MYO1D: variants seen among roughly 807,000 people sequenced by gnomAD.
MYO1D encodes unconventional myosin-Id.
Under a neutral mutation model 122.0 loss-of-function variants are expected in MYO1D, and 83 were observed. The ratio of observed to expected loss-of-function variants is 0.68; its 90% confidence interval spans 0.57 to 0.82. MYO1D has a LOEUF of 0.82. Ranked by LOEUF, MYO1D falls within the 40% of genes least tolerant of loss-of-function variation. The pLI, the probability that MYO1D is intolerant of heterozygous loss-of-function variation, is 0.00. For synonymous variants in MYO1D, 464 were observed against 446.9 expected, an observed-to-expected ratio of 1.04 and a Z score of -0.48; for missense variants, 1,157 against 1,269.5, an observed-to-expected ratio of 0.91 and a Z score of 1.35.
At chr17:32,869,029 CA>C (rs1462067653) in intron 1 of MYO1D, among the ~76,000 whole-genome samples, 1 of 146,476 alleles carries the variant, frequency 6.8e-6, no homozygotes, top group Non-Finnish European at 1.5e-5. Flanking sequence ...ACCAACATAG[CA>C]AAACCCCATC....
At chr17:32,524,398 C>CT (rs966234052) in intron 21 of MYO1D, among the ~76,000 whole-genome samples, 8 of 151,056 alleles carry the variant, frequency 5.3e-5, no homozygotes, top group East Asian at 3.9e-4. Context: ...ATTACTTTTT[C>CT]TTTTTTTTTC....
At chr17:32,870,404 T>A (rs1033626569) in intron 1 of MYO1D, among the ~76,000 whole-genome samples, 1 of 152,090 alleles carries the variant, frequency 6.6e-6, no homozygotes, top group Non-Finnish European at 1.5e-5. Context: ...TGGGTTTTTT[T>A]CCCTGGCAAG....
intron 20 of MYO1D, among the ~76,000 whole-genome samples, chr17:32,611,262 A>G (rs2087697894): frequency 1.3e-5 from 2 of 152,268 alleles, no homozygotes; most frequent in Admixed American, 1.3e-4. Context: ...CCGATATTAG[A>G]AAGAGAAATA....
At chr17:32,725,132 T>C (rs1479943623) in intron 14 of MYO1D, among the ~76,000 whole-genome samples, 1 of 151,994 alleles carries the variant, frequency 6.6e-6, no homozygotes, top group African/African-American at 2.4e-5. Flanking sequence ...CCAGAAACTA[T>C]GAAAAAGAAC....
At chr17:32,860,238 G>A (rs899961234) in intron 1 of MYO1D, among the ~76,000 whole-genome samples, 14 of 152,226 alleles carry the variant, frequency 9.2e-5, no homozygotes, top group African/African-American at 3.4e-4. Context: ...TTAGGGACTG[G>A]CCAGAACCTC....
At chr17:32,633,512 C>T (rs996533287) in intron 20 of MYO1D, among the ~76,000 whole-genome samples, 9 of 152,138 alleles carry the variant, frequency 5.9e-5, no homozygotes, top group Non-Finnish European at 1.3e-4. Flanking sequence ...CTCTTACCCC[C>T]TTCATAGATA....
intron 10 of MYO1D, chr17:32,759,920 G>T (rs2089982403): frequency 5.8e-6 from 3 of 514,242 alleles, no homozygotes; most frequent in Non-Finnish European, 1.0e-5. Context: ...GGAGAAAAAG[G>T]AGGAAAAAGG....
intron 21 of MYO1D, chr17:32,505,030 G>A (rs1909453997): frequency 1.3e-5 from 2 of 152,690 alleles, no homozygotes; most frequent in African/African-American, 4.8e-5. Flanking sequence ...CTCCTTCCTG[G>A]TTACTGTCAT....
chr17:32,701,207 A>C (rs1270939618), intron 16 of MYO1D, among the ~76,000 whole-genome samples: 1 of 152,202 alleles, frequency 6.6e-6, no homozygotes, highest in Non-Finnish European at 1.5e-5. Flanking sequence ...GAAAATATAA[A>C]TTACCAAAAT....
At chr17:32,837,514 C>T (rs1256876191) in intron 1 of MYO1D, among the ~76,000 whole-genome samples, 1 of 152,072 alleles carries the variant, frequency 6.6e-6, no homozygotes. Flanking sequence ...TAGGTGGGCA[C>T]AAATAGACTA....
chr17:32,563,937 G>A (rs2087149537), intron 21 of MYO1D, among the ~76,000 whole-genome samples: 1 of 152,212 alleles, frequency 6.6e-6, no homozygotes, highest in Admixed American at 6.5e-5. Flanking sequence ...TTCTTGCTGG[G>A]CTAAAGGCTG....
intron 21 of MYO1D, among the ~76,000 whole-genome samples, chr17:32,583,338 C>T (rs2087358521): frequency 6.6e-6 from 1 of 152,160 alleles, no homozygotes; most frequent in East Asian, 1.9e-4. Flanking sequence ...TGTGATATGC[C>T]TTAGTGTAGT....
chr17:32,651,133 T>TA (rs1455891158), intron 19 of MYO1D, among the ~76,000 whole-genome samples: 2 of 152,208 alleles, frequency 1.3e-5, no homozygotes, highest in East Asian at 3.8e-4. Context: ...TATAACCCCC[T>TA]ACTGAGGCAA....
chr17:32,592,871 CAAAACAATGTG>C (rs2087454032), intron 21 of MYO1D, among the ~76,000 whole-genome samples: 1 of 152,150 alleles, frequency 6.6e-6, no homozygotes, highest in African/African-American at 2.4e-5. Flanking sequence ...CCCAACAAAA[CAAAACAATGTG>C]AAACCATTTG....
At chr17:32,599,904 C>T (rs547139274) in intron 21 of MYO1D, among the ~76,000 whole-genome samples, 1 of 152,206 alleles carries the variant, frequency 6.6e-6, no homozygotes, top group Non-Finnish European at 1.5e-5. Context: ...CAGCCCACCT[C>T]GGCCTCCAAA....
chr17:32,701,377 C>T (rs996565310), intron 16 of MYO1D, among the ~76,000 whole-genome samples: 1 of 151,668 alleles, frequency 6.6e-6, no homozygotes, highest in South Asian at 2.1e-4. Flanking sequence ...AAAATACAGA[C>T]AAAAAAAGAA....
At chr17:32,647,246 G>A (rs998294522) in intron 19 of MYO1D, among the ~76,000 whole-genome samples, 3 of 152,222 alleles carry the variant, frequency 2.0e-5, no homozygotes, top group Non-Finnish European at 2.9e-5. Flanking sequence ...AATGGAAAGT[G>A]GCTGTTTCAG....
chr17:32,594,562 G>A, intron 21 of MYO1D: 1 of 667,124 alleles, frequency 1.5e-6, no homozygotes, highest in Non-Finnish European at 2.7e-6. Context: ...ATAAGCAGAT[G>A]GTTTCTGTAA....
intron 21 of MYO1D, among the ~76,000 whole-genome samples, chr17:32,515,789 CAG>C (rs1334671069): frequency 6.6e-6 from 1 of 152,148 alleles, no homozygotes; most frequent in African/African-American, 2.4e-5. Flanking sequence ...GAAGTTAAAA[CAG>C]AGGCAGCTAT....
Sources: allele counts gnomAD v4.1 joint callset (sites outside exome capture counted in the v4.1 genomes callset), GRCh38; gene constraint gnomAD v4.1.1; transcripts MANE v1.5; gene names NCBI Gene and HGNC (gene_info 2026-07-23, HGNC 2026-07-21).